Variants in MYO1D observed in about 807,000 individuals in gnomAD.
MYO1D encodes myosin ID.
MYO1D carries 83 observed loss-of-function variants against 122.0 expected under a neutral mutation model. The ratio of observed to expected loss-of-function variants is 0.68; its 90% confidence interval spans 0.57 to 0.82. The LOEUF is 0.82. Among genes scored for constraint, MYO1D ranks in the 40% least tolerant of loss-of-function variants. The probability of loss-of-function intolerance (pLI) is 0.00; values close to 1 mark genes in which losing one functional copy is unlikely to be tolerated. For synonymous variants in MYO1D, 464 were observed against 446.9 expected, an observed-to-expected ratio of 1.04 and a Z score of -0.48; for missense variants, 1,157 against 1,269.5, an observed-to-expected ratio of 0.91 and a Z score of 1.35.
chr17:32,825,528 G>A (rs570892059), intron 1 of MYO1D, among the ~76,000 whole-genome samples: 67 of 152,110 alleles, frequency 4.4e-4, no homozygotes, highest in Non-Finnish European at 7.8e-4. Flanking sequence ...CTTGGGCTCA[G>A]GCGATCCATC....
chr17:32,821,916 A>G (rs1208832128), intron 1 of MYO1D, among the ~76,000 whole-genome samples: 4 of 152,152 alleles, frequency 2.6e-5, no homozygotes, highest in Admixed American at 1.3e-4. Context: ...ACACTTTTAC[A>G]CTGTTGATGG....
At chr17:32,595,986 T>G (rs1448338891) in intron 21 of MYO1D, among the ~76,000 whole-genome samples, 1 of 152,160 alleles carries the variant, frequency 6.6e-6, no homozygotes, top group Non-Finnish European at 1.5e-5. Context: ...TTGAATCACA[T>G]TTCTAGTTTC....
chr17:32,579,538 T>A (rs1024895159), intron 21 of MYO1D, among the ~76,000 whole-genome samples: 1 of 152,178 alleles, frequency 6.6e-6, no homozygotes, highest in Non-Finnish European at 1.5e-5. Context: ...ACTCCACATA[T>A]TTAAGGTATA....
At chr17:32,744,516 T>C (rs753136309) in intron 13 of MYO1D, among the ~76,000 whole-genome samples, 7 of 152,170 alleles carry the variant, frequency 4.6e-5, no homozygotes, top group Non-Finnish European at 8.8e-5. Flanking sequence ...TCCCAGAACA[T>C]AGAAGAAAGT....
At chr17:32,711,384 A>T (rs1365043699) in intron 16 of MYO1D, among the ~76,000 whole-genome samples, 2 of 152,222 alleles carry the variant, frequency 1.3e-5, no homozygotes, top group Non-Finnish European at 2.9e-5. Context: ...GTGGTGGCTC[A>T]CGCCTGTAAT....
chr17:32,780,482 TA>T lies in MYO1D; in HGVS notation c.304+93del, dbSNP rs1177797671. The T allele has an allele frequency of 2.7e-5, 36 of 1,341,088 alleles. No homozygotes were observed. The South Asian group carries it at 2.7e-4, about 10-fold the overall frequency. The allele number at this position is 1,341,088 out of a possible 1,614,324, so 83.1% of individuals were successfully genotyped here. A position where few individuals can be genotyped will look rare whatever the true frequency, so the allele number is the denominator to read the frequency against. Reference sequence around the variant, plus strand: ...ATAGAATTGCTCAGGCTTCTACCTTTAAAAAAATATTTAATCAATTGTTTGG... The same window carrying T: ...ATAGAATTGCTCAGGCTTCTACCTTTAAAAAATATTTAATCAATTGTTTGG... On this transcript the variant is annotated intron_variant, in intron 2 of 21. Coordinates refer to ENST00000318217, the MANE Select transcript of MYO1D (RefSeq NM_015194.3).
chr17:32,514,572 A>C (rs1909821109), intron 21 of MYO1D, among the ~76,000 whole-genome samples: 1 of 152,262 alleles, frequency 6.6e-6, no homozygotes, highest in Admixed American at 6.5e-5. Context: ...TGCAAATAGC[A>C]GGTCACACTC....
At chr17:32,552,414 AT>A (rs1325266177) in intron 21 of MYO1D, among the ~76,000 whole-genome samples, 120 of 145,778 alleles carry the variant, frequency 8.2e-4, no homozygotes, top group Middle Eastern at 6.9e-3. Flanking sequence ...CCATCCATCC[AT>A]CCACCCATCC....
At chr17:32,595,624 G>A (rs867907387) in intron 21 of MYO1D, among the ~76,000 whole-genome samples, 1 of 152,180 alleles carries the variant, frequency 6.6e-6, no homozygotes, top group Non-Finnish European at 1.5e-5. Context: ...CCTACCGCGA[G>A]TGGGGCCTAT....
chr17:32,521,434 A>C (rs1446666111), intron 21 of MYO1D, among the ~76,000 whole-genome samples: 1 of 152,186 alleles, frequency 6.6e-6, no homozygotes, highest in African/African-American at 2.4e-5. Context: ...TCAGGAACAA[A>C]CTGAAAAGAA....
intron 21 of MYO1D, among the ~76,000 whole-genome samples, chr17:32,534,338 T>G (rs1238041038): frequency 6.6e-6 from 1 of 152,080 alleles, no homozygotes; most frequent in Non-Finnish European, 1.5e-5. Context: ...ACCTAATTTT[T>G]TAATTTTTTA....
In MYO1D at chr17:32,866,739, G is replaced by A. The variant is rs9901275; in HGVS notation, c.95+10039C>T. 9.0e-3 allele frequency among the ~76,000 whole-genome samples: 1,373 copies of A among 152,280 alleles called. 19 individuals carry two copies. Among genetic ancestry groups the A allele is most frequent in the African/African-American group, 0.03 (1,260 of 41,556 alleles). On this transcript the variant is annotated intron_variant, in intron 1 of 21. Coordinates refer to ENST00000318217, the MANE Select transcript of MYO1D (RefSeq NM_015194.3). Reference sequence around the variant, plus strand: ...AGACAATGTGGGGGAAAATATTTTTGAGCAATGGAAGCTGGCTAGCAGCAC... The same window carrying A: ...AGACAATGTGGGGGAAAATATTTTTAAGCAATGGAAGCTGGCTAGCAGCAC...
At chr17:32,576,477 T>C (rs911711606) in intron 21 of MYO1D, among the ~76,000 whole-genome samples, 6 of 152,176 alleles carry the variant, frequency 3.9e-5, no homozygotes, top group African/African-American at 1.4e-4. Flanking sequence ...CTGTGATACA[T>C]ATCAATAATG....
chr17:32,555,348 A>C (rs922682944), intron 21 of MYO1D, among the ~76,000 whole-genome samples: 1 of 152,152 alleles, frequency 6.6e-6, no homozygotes, highest in Non-Finnish European at 1.5e-5. Flanking sequence ...CAATTATAAG[A>C]TAGAATGTAC....
intron 16 of MYO1D, among the ~76,000 whole-genome samples, chr17:32,676,091 A>ACATAAAT (rs1291222971): frequency 6.6e-6 from 1 of 152,174 alleles, no homozygotes; most frequent in Non-Finnish European, 1.5e-5. Flanking sequence ...ACATTTTAGT[A>ACATAAAT]GTATCCTTGT....
At chr17:32,573,719 C>T (rs1353190196) in intron 21 of MYO1D, among the ~76,000 whole-genome samples, 1 of 152,060 alleles carries the variant, frequency 6.6e-6, no homozygotes, top group African/African-American at 2.4e-5. Flanking sequence ...GAGACAGGGC[C>T]TTCTTATATT....
intron 1 of MYO1D, among the ~76,000 whole-genome samples, chr17:32,808,387 T>G (rs989034147): frequency 1.4e-5 from 2 of 147,682 alleles, no homozygotes; most frequent in East Asian, 2.0e-4. Flanking sequence ...AAAAAAAAAG[T>G]AAATTTGAAA....
chr17:32,650,395 C>T (rs1483193440), intron 19 of MYO1D, among the ~76,000 whole-genome samples: 1 of 152,026 alleles, frequency 6.6e-6, no homozygotes, highest in Non-Finnish European at 1.5e-5. Flanking sequence ...GTTTCTTGTG[C>T]TTAGTGTTTG....
intron 21 of MYO1D, among the ~76,000 whole-genome samples, chr17:32,506,437 T>C (rs913082670): frequency 4.0e-5 from 6 of 151,660 alleles, no homozygotes; most frequent in Non-Finnish European, 8.8e-5. Context: ...GCAAGCACAG[T>C]GCAAAAAAAT....
Sources: gnomAD v4.1 joint callset for allele counts (sites outside exome capture counted in the v4.1 genomes callset) on GRCh38, gnomAD v4.1.1 for gene constraint, MANE v1.5 for transcripts, NCBI Gene and HGNC (gene_info 2026-07-23, HGNC 2026-07-21) for gene names.